The following CHD7 variants were observed in gnomAD, a reference collection of about 807,000 sequenced individuals.
The protein encoded by CHD7 is ATP-dependent chromatin remodeler CHD7.
In CHD7, 24 loss-of-function variants were observed where a neutral mutation model predicts 307.3. The ratio of observed to expected loss-of-function variants is 0.08; its 90% CI spans 0.06 to 0.11. The LOEUF (loss-of-function observed/expected upper bound fraction) is 0.11. CHD7 is among the 10% of genes least tolerant of loss of function. The pLI is 1.00. For synonymous variants in CHD7, 1,363 were observed against 1,349.9 expected (o/e 1.01, Z -0.21); for missense variants, 3,106 against 3,727.1 (o/e 0.83, Z 4.34).
intron 29 of CHD7, 29 bp from the exon 30 acceptor site, chr8:60,852,469 G>A (rs1436772687): frequency 6.3e-7 from 1 of 1,579,004 alleles, no homozygotes; most frequent in Non-Finnish European, 8.7e-7. Flanking sequence ...CCTGAAGTAT[G>A]ATGCAAGCTA....
rs375514752 is a variant in CHD7, at chr8:60,686,106, GTCT to G, written c.-175+7028_-175+7030del. Reference sequence around the variant, plus strand: ...CTGGTGGCCATTGTGACTCAGTCAAGTCTTCTGGGTTCCTTCCTGTCTTGTGTT... The same window carrying G: ...CTGGTGGCCATTGTGACTCAGTCAAGTCTGGGTTCCTTCCTGTCTTGTGTT... On this transcript the variant is annotated intron_variant, in intron 1 of 37. Coordinates refer to ENST00000423902, the MANE Select transcript of CHD7 (RefSeq NM_017780.4). 3.2e-4 allele frequency among the ~76,000 whole-genome samples: 49 copies of G among 152,286 alleles called. No individual in the cohort carries two copies. The East Asian group carries it at 8.9e-3, about 28-fold the overall frequency.
chr8:60,866,109 G>C lies in CHD7; in HGVS notation c.*176G>C, dbSNP rs1280109503. On this transcript the variant is annotated 3_prime_UTR_variant, in exon 38 of 38. Coordinates refer to ENST00000423902, the MANE Select transcript of CHD7 (RefSeq NM_017780.4). The stretch of plus-strand genomic sequence containing the variant: ...TGTCAAAAGGTATCTTGGTCATTAA[G>C]TATTGTGCAGTGCATTATTTATTAT... 1.7e-6 allele frequency: 1 copy of C among 595,950 alleles called. No homozygotes were observed. The highest frequency in any genetic ancestry group is 2.9e-5 in the Admixed American group (1 of 33,940). The allele number at this position is 595,950 out of a possible 1,614,324, so 36.9% of individuals were successfully genotyped here. A position where few individuals can be genotyped will look rare whatever the true frequency, so the allele number is the denominator to read the frequency against.
At chr8:60,689,371 G>A (rs891535320) in intron 1 of CHD7, among the ~76,000 whole-genome samples, 8 of 152,196 alleles carry the variant, frequency 5.3e-5, no homozygotes, top group Non-Finnish European at 1.2e-4. Context: ...CTATTTACAT[G>A]AACTATTTCT....
intron 1 of CHD7, among the ~76,000 whole-genome samples, chr8:60,728,189 C>T (rs1173509350): frequency 6.6e-6 from 1 of 152,216 alleles, no homozygotes; most frequent in Non-Finnish European, 1.5e-5. Flanking sequence ...GGCCATGTTA[C>T]CTTGGAGGGT....
Position 60,775,918 on chromosome 8 carries a change from C to T in CHD7, c.1666-5082C>T, listed in dbSNP as rs141751773. On this transcript the variant is annotated intron_variant, in intron 2 of 37. Transcript: ENST00000423902. ...GATTACAGGTGCATACCACCACGCC[C>T]GGCTAATTTTTTGTATTTTTTAGTA... Among the ~76,000 whole-genome samples the T allele has an allele frequency of 5.0e-3, 738 of 146,744 alleles. 5 individuals carry two copies. The highest frequency in any genetic ancestry group is 0.019 in the African/African-American group (705 of 37,108).
At chr8:60,769,527 G>C (rs902074567) in intron 2 of CHD7, among the ~76,000 whole-genome samples, 6 of 152,160 alleles carry the variant, frequency 3.9e-5, no homozygotes, top group Non-Finnish European at 5.9e-5. Flanking sequence ...AGTTAGTTAG[G>C]TTTTATGCAG....
chr8:60,790,396 A>T (rs1384849391), intron 3 of CHD7, among the ~76,000 whole-genome samples: 1 of 152,142 alleles, frequency 6.6e-6, no homozygotes, highest in African/African-American at 2.4e-5. Flanking sequence ...GTCACAAAAG[A>T]GGTTTGTGAG....
In CHD7 at chr8:60,853,209, A is replaced by G; in HGVS notation, c.6484A>G (p.Ile2162Val). ...QTPPVISSAH[I>V]QDERVLEQAE... ...TCCTCCAGTCATCTCATCTGCTCAT[A>G]TTCAAGATGAGAGGGTACTGGAACA... The change falls in exon 31 of 38, where the codon ATT (isoleucine) becomes GTT (valine). Residue 2162 changes from isoleucine (I) to valine (V), a missense_variant. Physicochemically the swap from Ile to Val is conservative, Grantham distance 29. Transcript: ENST00000423902. 6.2e-7 allele frequency: 1 copy of G among 1,613,940 alleles called. No homozygotes were observed. The highest frequency in any genetic ancestry group is 8.5e-7 in the Non-Finnish European group (1 of 1,179,852).
At chr8:60,708,456 T>C (rs1807119914) in intron 1 of CHD7, among the ~76,000 whole-genome samples, 1 of 152,174 alleles carries the variant, frequency 6.6e-6, no homozygotes, top group African/African-American at 2.4e-5. Flanking sequence ...TCTCAGTCTC[T>C]CTGGTGCCTG....
intron 34 of CHD7, among the ~76,000 whole-genome samples, chr8:60,859,997 TTGCAATAACCTG>T (rs553022251): frequency 7.0e-4 from 107 of 151,962 alleles, no homozygotes; most frequent in South Asian, 1.7e-3. Context: ...TTTAGGAATA[TTGCAATAACCTG>T]GGTGGGAAGT....
At position 60,862,560 on chromosome 8, in the gene CHD7, A is replaced by G. The variant is rs1806048472; in HGVS notation, c.7984A>G (p.Met2662Val). The G allele has an allele frequency of 1.9e-6, 3 of 1,572,758 alleles. No individual in the cohort carries two copies. The highest frequency in any genetic ancestry group is 2.3e-5 in the East Asian group (1 of 42,860). The change falls in exon 37 of 38, where the codon ATG becomes GTG. Residue 2662 changes from methionine (M) to valine (V), a missense_variant. By Grantham distance (21) the Met-to-Val change is conservative. This residue lies in a region of CHD7 where 59 missense variants were observed against 106.2 expected (regional missense o/e 0.56). Transcript: ENST00000423902. Reference sequence around the variant, plus strand: ...TGCCTCTACCCAGATGGGTGGAGCTATGGCGCCTCCAATGAAGGATCTACC... The same window carrying G: ...TGCCTCTACCCAGATGGGTGGAGCTGTGGCGCCTCCAATGAAGGATCTACC... ...KRNGKKMGGA[M>V]APPMKDLPRW...
At chr8:60,857,068 G>A (rs1474100756) in intron 34 of CHD7, among the ~76,000 whole-genome samples, 180 bp downstream of exon 34, 1 of 152,224 alleles carries the variant, frequency 6.6e-6, no homozygotes, top group Non-Finnish European at 1.5e-5. Context: ...AGATCACTTG[G>A]CCTGAACGAA....
At chr8:60,835,118 T>C (rs1804680580) in intron 15 of CHD7, among the ~76,000 whole-genome samples, 1 of 152,252 alleles carries the variant, frequency 6.6e-6, no homozygotes, top group Admixed American at 6.5e-5. Flanking sequence ...ACAACAGCTA[T>C]GTCCTGATTA....
chr8:60,805,439 C>T (rs763482308), intron 6 of CHD7, among the ~76,000 whole-genome samples: 6 of 152,142 alleles, frequency 3.9e-5, no homozygotes, highest in Non-Finnish European at 7.3e-5. Context: ...TGTACCAGCT[C>T]CAGGTGCTGC....
At chr8:60,735,142 C>T (rs982993961) in intron 1 of CHD7, among the ~76,000 whole-genome samples, 1 of 152,158 alleles carries the variant, frequency 6.6e-6, no homozygotes, top group African/African-American at 2.4e-5. Context: ...ACATCTGCTT[C>T]GTTCAACACT....
At chr8:60,847,584 A>G (rs981218806) in intron 23 of CHD7, among the ~76,000 whole-genome samples, 1 of 152,224 alleles carries the variant, frequency 6.6e-6, no homozygotes, top group African/African-American at 2.4e-5. Flanking sequence ...ACTCATGGCC[A>G]AGAAGGCTGC....
intron 28 of CHD7, 82 bp from the exon 29 acceptor site, chr8:60,851,937 A>G (rs1027883951): frequency 1.6e-4 from 148 of 910,786 alleles, no homozygotes; most frequent in Non-Finnish European, 6.3e-5. Flanking sequence ...TTGAATCTTA[A>G]TGAGTCATCC....
At position 60,794,986 on chromosome 8, in the gene CHD7, T is replaced by G. The variant is rs767027265; in HGVS notation, c.2097T>G (p.Ser699Arg). The G allele has an allele frequency of 6.2e-7, 1 of 1,612,042 alleles. No homozygotes were observed. The highest frequency in any genetic ancestry group is 8.5e-7 in the Non-Finnish European group (1 of 1,179,264). Residue 699 changes from serine to arginine, a missense_variant and splice_region_variant, in exon 4 of 38, where the codon AGT becomes AGG. Transcript: ENST00000423902. ...TPKPKSSKKS[S>R]NKKPDSEASA... ...CTAAGCGATCCACTTTGAATTCTAG[T>G]AATAAGAAACCTGACTCAGAAGCAA...
rs148884686 is a variant in CHD7, at chr8:60,862,193, C to T, written c.7831-3C>T. The T allele has an allele frequency of 7.9e-5, 127 of 1,602,518 alleles. 1 individual carries two copies. In the East Asian group the frequency reaches 2.2e-3, roughly 28 times the overall value. Reference sequence around the variant, plus strand: ...TTTACTAAATATGTTTTTTCTTTTGCAGAAGAATGCAGATGTGCTGTTTTC... The same window carrying T: ...TTTACTAAATATGTTTTTTCTTTTGTAGAAGAATGCAGATGTGCTGTTTTC... On this transcript the variant is annotated splice_region_variant and splice_polypyrimidine_tract_variant and intron_variant, in intron 35 of 37. Coordinates refer to ENST00000423902, the MANE Select transcript of CHD7 (RefSeq NM_017780.4).
Sources: allele counts gnomAD v4.1 joint callset (sites outside exome capture counted in the v4.1 genomes callset), GRCh38; gene constraint gnomAD v4.1.1; regional missense constraint gnomAD v4.1.1; transcripts MANE v1.5; gene names NCBI Gene and HGNC (gene_info 2026-07-23, HGNC 2026-07-21).